The following MXI1 variants were observed in gnomAD, a reference collection of about 807,000 sequenced individuals.
MXI1 encodes MAX interactor 1, dimerization protein.
MXI1 carries 18 observed loss-of-function variants against 36.9 expected under a neutral mutation model. The ratio of observed to expected loss-of-function variants is 0.49; its 90% CI spans 0.34 to 0.72. The LOEUF (loss-of-function observed/expected upper bound fraction) is 0.72, where lower values mean the gene tolerates loss of function less well. Ranked by LOEUF, MXI1 falls within the 30% of genes least tolerant of loss-of-function variation. The probability of loss-of-function intolerance (pLI) is 0.01; values close to 1 mark genes in which losing one functional copy is unlikely to be tolerated. For synonymous variants in MXI1, 160 were observed against 146.7 expected, an observed-to-expected ratio of 1.09 and a Z score of -0.65; for missense variants, 304 against 379.1, an observed-to-expected ratio of 0.80 and a Z score of 1.64.
chr10:110,227,306 G>A, intron 1 of MXI1: 1 of 967,046 alleles, frequency 1.0e-6, no homozygotes, highest in Non-Finnish European at 1.2e-6. Flanking sequence ...TGGGAGGGGC[G>A]GGTGCGGGGA....
chr10:110,220,470 A>G (rs1428019110), intron 1 of MXI1, among the ~76,000 whole-genome samples: 1 of 152,248 alleles, frequency 6.6e-6, no homozygotes, highest in Non-Finnish European at 1.5e-5. Context: ...GAACGCAGAT[A>G]CAAGGCAGCA....
chr10:110,281,611 A>G (rs1029221446), intron 5 of MXI1, among the ~76,000 whole-genome samples: 1 of 152,230 alleles, frequency 6.6e-6, no homozygotes, highest in Admixed American at 6.5e-5. Context: ...ATGAAGGAAT[A>G]TATAGGTATA....
chr10:110,219,701 A>G (rs1854748559), intron 1 of MXI1, among the ~76,000 whole-genome samples: 1 of 152,226 alleles, frequency 6.6e-6, no homozygotes, highest in Non-Finnish European at 1.5e-5. Flanking sequence ...CTACTTGCTT[A>G]TCATCAGTCT....
At chr10:110,251,459 A>G (rs1007777671) in intron 3 of MXI1, among the ~76,000 whole-genome samples, 1 of 151,898 alleles carries the variant, frequency 6.6e-6, no homozygotes, top group Admixed American at 6.6e-5. Context: ...TTTCAGTACC[A>G]TTATCTAGTT....
At position 110,284,971 on chromosome 10, in the gene MXI1, TTTCA is replaced by T. The variant is rs1280137610; in HGVS notation, c.877_880del (p.Phe293LeufsTer30). On this transcript the variant is annotated frameshift_variant, in exon 6 of 6. Transcript: ENST00000332674. LOFTEE classifies it high-confidence loss of function. ...GGTTACTCCAGTGCCAGTGTCAAAC[TTTCA>T]TTCACTTCATAGAACCCAGCATGAC... 1.9e-6 allele frequency: 3 copies of T among 1,612,304 alleles called. No homozygotes were observed. The highest frequency in any genetic ancestry group is 2.2e-5 in the South Asian group (2 of 90,564).
At chr10:110,258,806 A>G (rs1856404662) in intron 3 of MXI1, among the ~76,000 whole-genome samples, 1 of 152,148 alleles carries the variant, frequency 6.6e-6, no homozygotes, top group Non-Finnish European at 1.5e-5. Flanking sequence ...AGTTGTGTCT[A>G]GATAGATTCA....
At chr10:110,228,159 T>C (rs369016267) in intron 1 of MXI1, 30 bp from the exon 2 acceptor site, 3 of 1,612,394 alleles carry the variant, frequency 1.9e-6, no homozygotes, top group Non-Finnish European at 2.5e-6. Flanking sequence ...ATATTCTTCT[T>C]ACCGTATCTT....
chr10:110,284,250 G>A (rs150342483), intron 5 of MXI1, among the ~76,000 whole-genome samples: 1 of 151,960 alleles, frequency 6.6e-6, no homozygotes, highest in Non-Finnish European at 1.5e-5. Context: ...TTTGATGCAA[G>A]AAAATTAAAT....
chr10:110,220,520 A>G (rs1213419595), intron 1 of MXI1, among the ~76,000 whole-genome samples: 1 of 152,092 alleles, frequency 6.6e-6, no homozygotes, highest in Non-Finnish European at 1.5e-5. Context: ...GCCTGGCTAG[A>G]CCTAACTGTG....
chr10:110,217,610 T>C (rs532335272), intron 1 of MXI1, among the ~76,000 whole-genome samples: 4 of 152,334 alleles, frequency 2.6e-5, no homozygotes, highest in South Asian at 4.1e-4. Flanking sequence ...TTTCATTTTT[T>C]TCTGCCAGTG....
chr10:110,242,614 T>C (rs1855711180), intron 2 of MXI1, among the ~76,000 whole-genome samples: 1 of 152,028 alleles, frequency 6.6e-6, no homozygotes, highest in Non-Finnish European at 1.5e-5. Context: ...TATCATTTTC[T>C]TTAAAAAAAG....
At chr10:110,253,172 C>T (rs1332430773) in intron 3 of MXI1, among the ~76,000 whole-genome samples, 1 of 151,982 alleles carries the variant, frequency 6.6e-6, no homozygotes, top group Non-Finnish European at 1.5e-5. Context: ...GGCAAGAATC[C>T]TGTAAAAAAT....
chr10:110,279,822 T>C (rs1590410137), intron 4 of MXI1, 92 bp from the exon 5 acceptor site: 10 of 926,790 alleles, frequency 1.1e-5, no homozygotes, highest in Non-Finnish European at 1.5e-5. Context: ...CACACATGTA[T>C]ATTCATTCAT....
At chr10:110,281,338 T>TA (rs1426907951) in intron 5 of MXI1, among the ~76,000 whole-genome samples, 1 of 152,184 alleles carries the variant, frequency 6.6e-6, no homozygotes, top group Non-Finnish European at 1.5e-5. Context: ...GCTATTATAA[T>TA]ACCCCACAAA....
At chr10:110,223,309 T>C (rs1210964410) in intron 1 of MXI1, among the ~76,000 whole-genome samples, 2 of 152,176 alleles carry the variant, frequency 1.3e-5, no homozygotes, top group Non-Finnish European at 2.9e-5. Context: ...TTGAGAAAAG[T>C]AGAGTTGTAT....
chr10:110,246,260 T>C (rs1416382051), intron 3 of MXI1, among the ~76,000 whole-genome samples: 1 of 151,922 alleles, frequency 6.6e-6, no homozygotes, highest in African/African-American at 2.4e-5. Flanking sequence ...GAGTTGAAGG[T>C]TGCAGTGAGC....
At chr10:110,259,369 T>G (rs1231389121) in intron 3 of MXI1, among the ~76,000 whole-genome samples, 1 of 152,094 alleles carries the variant, frequency 6.6e-6, no homozygotes, top group East Asian at 1.9e-4. Flanking sequence ...ATACCTTTAG[T>G]ACTGATGCTT....
rs140782771 is a variant in MXI1, at chr10:110,286,956, T to C, written c.*1969T>C. 315 of 152,336 alleles carry C rather than the reference T, an allele frequency of 2.1e-3. 2 individuals carry two copies. Among genetic ancestry groups the C allele is most frequent in the Middle Eastern group, 0.014 (4 of 294 alleles). The allele number at this position is 152,336 out of a possible 1,614,324, so 9.4% of individuals were successfully genotyped here. A position where few individuals can be genotyped will look rare whatever the true frequency, so the allele number is the denominator to read the frequency against. On this transcript the variant is annotated 3_prime_UTR_variant, in exon 6 of 6. Coordinates refer to ENST00000332674, the MANE Select transcript of MXI1 (RefSeq NM_130439.3). ...TGGCCCAGGTAAATTATTTCTGGTT[T>C]CACTTATAATTACTAATGGCTGAGT...
intron 1 of MXI1, 154 bp from the exon 2 acceptor site, chr10:110,228,035 G>A (rs1855122970): frequency 5.2e-6 from 4 of 771,674 alleles, no homozygotes; most frequent in South Asian, 1.7e-5. Context: ...ATGTCCAGGC[G>A]AGGGACATTA....
Sources: allele counts gnomAD v4.1 joint callset (sites outside exome capture counted in the v4.1 genomes callset), GRCh38; gene constraint gnomAD v4.1.1; transcripts MANE v1.5; gene names NCBI Gene and HGNC (gene_info 2026-07-23, HGNC 2026-07-21).